CAMK1D: variants seen among roughly 807,000 people sequenced by gnomAD.
CAMK1D encodes the protein calcium/calmodulin dependent protein kinase ID, also known as calcium/calmodulin-dependent protein kinase type 1D.
In CAMK1D, 9 loss-of-function variants were observed where a neutral mutation model predicts 47.7. That is an observed-to-expected ratio of 0.19 (90% CI 0.11 to 0.33). The LOEUF is 0.33. Among genes scored for constraint, CAMK1D ranks in the 10% least tolerant of loss-of-function variants. CAMK1D has a pLI of 1.00. For missense variants in CAMK1D, 291 were observed against 488.7 expected (o/e 0.60, Z 3.81); for synonymous variants, 184 against 184.9 (o/e 0.99, Z 0.04).
intron 2 of CAMK1D, among the ~76,000 whole-genome samples, chr10:12,598,323 G>A (rs181477397): frequency 6.6e-6 from 1 of 152,318 alleles, no homozygotes; most frequent in East Asian, 1.9e-4. Context: ...ACTTCAGCCT[G>A]GGATTGTTTC....
intron 3 of CAMK1D, among the ~76,000 whole-genome samples, chr10:12,746,598 C>G (rs1402570560): frequency 6.6e-6 from 1 of 152,214 alleles, no homozygotes; most frequent in Non-Finnish European, 1.5e-5. Context: ...ACCTTGCCGT[C>G]TCTCCTGTTC....
At chr10:12,507,148 C>T (rs1423641896) in intron 1 of CAMK1D, among the ~76,000 whole-genome samples, 2 of 152,232 alleles carry the variant, frequency 1.3e-5, no homozygotes, top group African/African-American at 4.8e-5. Flanking sequence ...TGTGTGAACA[C>T]CACCTGGACT....
intron 3 of CAMK1D, among the ~76,000 whole-genome samples, chr10:12,752,403 C>T (rs1024263522): frequency 2.6e-5 from 4 of 152,164 alleles, no homozygotes; most frequent in African/African-American, 2.4e-5. Context: ...ATAATGTGTA[C>T]ATATGGACCT....
At chr10:12,556,185 A>G (rs949783761) in intron 2 of CAMK1D, among the ~76,000 whole-genome samples, 12 of 152,294 alleles carry the variant, frequency 7.9e-5, no homozygotes, top group Admixed American at 5.2e-4. Context: ...ATGGAGTAAG[A>G]GGCAGTTCCA....
In CAMK1D at chr10:12,365,988, G is replaced by A. The variant is rs559086379; in HGVS notation, c.92+16078G>A. Reference sequence around the variant, plus strand: ...GGAGAATCCCTGGAACCTGGGAGCCGGAGGCTGCAGTGAGCAGAGATCGCA... The same window carrying A: ...GGAGAATCCCTGGAACCTGGGAGCCAGAGGCTGCAGTGAGCAGAGATCGCA... On this transcript the variant is annotated intron_variant, in intron 1 of 10. Coordinates refer to ENST00000619168, the MANE Select transcript of CAMK1D (RefSeq NM_153498.4). Among the ~76,000 whole-genome samples, 6 of 152,340 alleles carry A rather than the reference G, an allele frequency of 3.9e-5. No individual in the cohort carries two copies. The South Asian group carries it at 8.3e-4, about 21-fold the overall frequency.
intron 3 of CAMK1D, among the ~76,000 whole-genome samples, chr10:12,678,143 C>CT (rs1554808807): frequency 2.1e-4 from 32 of 152,220 alleles, no homozygotes; most frequent in South Asian, 1.9e-3. Context: ...GCATTTATAG[C>CT]TATAAATTTT....
chr10:12,605,490 C>G (rs892290560), intron 2 of CAMK1D, among the ~76,000 whole-genome samples: 1 of 152,130 alleles, frequency 6.6e-6, no homozygotes, highest in Non-Finnish European at 1.5e-5. Flanking sequence ...GGCTGCCCAC[C>G]CCTGCCCAGC....
intron 2 of CAMK1D, among the ~76,000 whole-genome samples, chr10:12,629,540 G>A (rs574205812): frequency 2.2e-4 from 34 of 152,294 alleles, no homozygotes; most frequent in African/African-American, 8.2e-4. Context: ...GTTAGAGGCC[G>A]TGGTGTGGCT....
intron 1 of CAMK1D, among the ~76,000 whole-genome samples, chr10:12,525,798 C>T (rs1034087305): frequency 1.3e-5 from 2 of 152,088 alleles, no homozygotes; most frequent in Admixed American, 6.6e-5. Flanking sequence ...TGCTCTGTTG[C>T]CCAAACTGGA....
intron 1 of CAMK1D, among the ~76,000 whole-genome samples, chr10:12,534,435 C>T (rs7084254): frequency 8.3e-4 from 126 of 152,302 alleles, no homozygotes; most frequent in African/African-American, 2.9e-3. Context: ...GGCACGATCT[C>T]GGCTCACTGC....
intron 1 of CAMK1D, among the ~76,000 whole-genome samples, chr10:12,435,504 G>A (rs1352221975): frequency 6.6e-6 from 1 of 152,014 alleles, no homozygotes; most frequent in Non-Finnish European, 1.5e-5. Context: ...TAATACCGGC[G>A]GGCATCCTGT....
At chr10:12,536,895 G>A (rs1835989939) in intron 1 of CAMK1D, among the ~76,000 whole-genome samples, 1 of 152,042 alleles carries the variant, frequency 6.6e-6, no homozygotes, top group Non-Finnish European at 1.5e-5. Context: ...GACTATCTAA[G>A]CTTACTTTCC....
intron 2 of CAMK1D, among the ~76,000 whole-genome samples, chr10:12,663,463 G>A (rs1054150224): frequency 1.3e-5 from 2 of 152,126 alleles, no homozygotes; most frequent in African/African-American, 4.8e-5. Context: ...GGATATATGG[G>A]AAGAAGGTGG....
chr10:12,763,097 G>C (rs1836581113), intron 4 of CAMK1D, among the ~76,000 whole-genome samples: 1 of 152,198 alleles, frequency 6.6e-6, no homozygotes, highest in Non-Finnish European at 1.5e-5. Context: ...GCTTTTGGAG[G>C]AATCTTTGCA....
intron 1 of CAMK1D, among the ~76,000 whole-genome samples, chr10:12,538,903 A>AG (rs1564399206): frequency 6.9e-6 from 1 of 145,744 alleles, no homozygotes. Flanking sequence ...AAAAAAAAAA[A>AG]AGAGAAAGGA....
At chr10:12,406,835 G>T (rs186662590) in intron 1 of CAMK1D, among the ~76,000 whole-genome samples, 16 of 149,904 alleles carry the variant, frequency 1.1e-4, no homozygotes, top group African/African-American at 3.7e-4. Flanking sequence ...TGTGCCTCCA[G>T]TTGTCCTTAT....
chr10:12,713,152 C>G (rs1833998208), intron 3 of CAMK1D, among the ~76,000 whole-genome samples: 1 of 152,030 alleles, frequency 6.6e-6, no homozygotes, highest in Non-Finnish European at 1.5e-5. Flanking sequence ...CTCACTGCAA[C>G]CTCTGCCTTC....
chr10:12,584,767 C>A (rs929562877), intron 2 of CAMK1D, among the ~76,000 whole-genome samples: 3 of 151,980 alleles, frequency 2.0e-5, no homozygotes, highest in Non-Finnish European at 2.9e-5. Context: ...CTGCAGTGAG[C>A]AATGATCATG....
At chr10:12,771,310 T>C (rs2130935634) in intron 5 of CAMK1D, among the ~76,000 whole-genome samples, 1 of 152,326 alleles carries the variant, frequency 6.6e-6, no homozygotes, top group Non-Finnish European at 1.5e-5. Context: ...AGAGGAGGTA[T>C]GTTATGTGAC....
Sources: gnomAD v4.1 joint callset for allele counts (sites outside exome capture counted in the v4.1 genomes callset) on GRCh38, gnomAD v4.1.1 for gene constraint, MANE v1.5 for transcripts, NCBI Gene and HGNC (gene_info 2026-07-23, HGNC 2026-07-21) for gene names.